Variants in CPNE8 observed in about 807,000 individuals in gnomAD.
The protein encoded by CPNE8 is copine 8.
Under a neutral mutation model 81.5 loss-of-function variants are expected in CPNE8, and 45 were observed. The observed-to-expected ratio is 0.55, with a 90% CI of 0.44 to 0.71. The LOEUF is 0.71. CPNE8 is among the 30% of genes least tolerant of loss of function. CPNE8 has a pLI of 0.00. For missense variants in CPNE8, 594 were observed against 672.1 expected, an observed-to-expected ratio of 0.88 and a Z score of 1.28; for synonymous variants, 252 against 226.3, an observed-to-expected ratio of 1.11 and a Z score of -1.02.
chr12:38,718,275 G>A (rs886709619), intron 13 of CPNE8, among the ~76,000 whole-genome samples: 4 of 152,188 alleles, frequency 2.6e-5, no homozygotes, highest in African/African-American at 9.6e-5. Flanking sequence ...GAATATTGCA[G>A]AAGTTTAGCT....
intron 10 of CPNE8, among the ~76,000 whole-genome samples, chr12:38,745,789 G>T (rs947291005): frequency 6.6e-6 from 1 of 152,160 alleles, no homozygotes; most frequent in Admixed American, 6.5e-5. Context: ...AAGCAATTCT[G>T]CCTCAGCCTC....
intron 10 of CPNE8, among the ~76,000 whole-genome samples, chr12:38,737,638 G>C (rs983073812): frequency 6.6e-6 from 1 of 151,890 alleles, no homozygotes; most frequent in Non-Finnish European, 1.5e-5. Flanking sequence ...TGCTACCTTT[G>C]TTTTTTCTCT....
At chr12:38,667,322 C>A (rs1253722520) in intron 19 of CPNE8, among the ~76,000 whole-genome samples, 2 of 152,156 alleles carry the variant, frequency 1.3e-5, no homozygotes, top group East Asian at 3.8e-4. Context: ...ACACTTGCAA[C>A]CCCACTATTC....
chr12:38,817,642 G>C (rs1486202808), intron 6 of CPNE8, among the ~76,000 whole-genome samples: 1 of 73,314 alleles, frequency 1.4e-5, no homozygotes, highest in Non-Finnish European at 2.7e-5. Context: ...TTTTTTGTGA[G>C]AGACAAAGTC....
At chr12:38,764,451 AC>A (rs1160472704) in intron 8 of CPNE8, among the ~76,000 whole-genome samples, 3 of 150,940 alleles carry the variant, frequency 2.0e-5, no homozygotes, top group Non-Finnish European at 4.4e-5. Context: ...CCCCGTCTCT[AC>A]TAAAAATACA....
At chr12:38,704,864 T>TATATATATATATA (rs1940064957) in intron 13 of CPNE8, among the ~76,000 whole-genome samples, 8 of 73,832 alleles carry the variant, frequency 1.1e-4, no homozygotes, top group African/African-American at 3.8e-4. Flanking sequence ...ATATATATAT[T>TATATATATATATA]TAAATTTCGG....
rs1941589128 is a variant in CPNE8, at chr12:38,762,258, T to C, written c.576-42A>G. ...TTCAGTTATTTGCATGCTTTGACTA[T>C]TTTAATTGATCTATTGTTTTAGTAG... On this transcript the variant is annotated intron_variant, in intron 8 of 19. Coordinates refer to ENST00000331366, the MANE Select transcript of CPNE8 (RefSeq NM_153634.3). 3 of 1,168,986 alleles carry C rather than the reference T, an allele frequency of 2.6e-6. No homozygotes were observed. The African/African-American group carries it at 4.6e-5, about 18-fold the overall frequency. 72.4% of individuals were successfully genotyped at this position (1,168,986 alleles called of 1,614,324 possible). A position where few individuals can be genotyped will look rare whatever the true frequency, so the allele number is the denominator to read the frequency against.
intron 6 of CPNE8, among the ~76,000 whole-genome samples, chr12:38,786,718 AGACAAAAAC>A (rs1042261935): frequency 6.6e-6 from 1 of 152,210 alleles, no homozygotes; most frequent in Non-Finnish European, 1.5e-5. Context: ...ATAGGTTTCA[AGACAAAAAC>A]TATCAAAAGA....
chr12:38,826,557 G>A (rs185582809), intron 6 of CPNE8, among the ~76,000 whole-genome samples: 1 of 152,170 alleles, frequency 6.6e-6, no homozygotes, highest in Non-Finnish European at 1.5e-5. Flanking sequence ...CCCAACATCT[G>A]CATATTCTAC....
chr12:38,839,992 C>T, intron 4 of CPNE8, 37 bp from the exon 5 acceptor site: 1 of 1,525,734 alleles, frequency 6.6e-7, no homozygotes, highest in Non-Finnish European at 8.9e-7. Context: ...ATTATTTCCA[C>T]AAAATACAGC....
intron 6 of CPNE8, among the ~76,000 whole-genome samples, chr12:38,803,750 C>A (rs1282959301): frequency 3.5e-5 from 5 of 143,822 alleles, no homozygotes; most frequent in African/African-American, 1.3e-4. Flanking sequence ...GATTGTTTAT[C>A]TAGAAAACCC....
intron 6 of CPNE8, among the ~76,000 whole-genome samples, chr12:38,792,235 A>G (rs1942342869): frequency 6.6e-6 from 1 of 151,434 alleles, no homozygotes; most frequent in Non-Finnish European, 1.5e-5. Context: ...AATAAAATTT[A>G]GAGCACACAT....
intron 1 of CPNE8, among the ~76,000 whole-genome samples, chr12:38,877,540 T>C (rs1364563331): frequency 1.3e-5 from 2 of 152,084 alleles, no homozygotes; most frequent in Non-Finnish European, 2.9e-5. Context: ...CAAATCTAGA[T>C]GTAGCTAATA....
At chr12:38,797,909 C>G (rs11169568) in intron 6 of CPNE8, among the ~76,000 whole-genome samples, 66 of 152,126 alleles carry the variant, frequency 4.3e-4, no homozygotes, top group African/African-American at 1.4e-3. Flanking sequence ...AATGCAGAAG[C>G]CTCAGGAGCT....
chr12:38,764,071 A>C (rs900238661), intron 8 of CPNE8, among the ~76,000 whole-genome samples: 2 of 152,216 alleles, frequency 1.3e-5, no homozygotes, highest in Non-Finnish European at 2.9e-5. Flanking sequence ...AACTCGTGTC[A>C]TTAAATTGAC....
At chr12:38,767,601 C>T (rs1301771512) in intron 8 of CPNE8, 34 bp downstream of exon 8, 3 of 1,218,160 alleles carry the variant, frequency 2.5e-6, no homozygotes, top group Non-Finnish European at 3.4e-6. Flanking sequence ...ATCATCATTA[C>T]CATATAGTTG....
intron 8 of CPNE8, among the ~76,000 whole-genome samples, 174 bp from the exon 9 acceptor site, chr12:38,762,390 C>T (rs1941591691): frequency 6.6e-6 from 1 of 152,154 alleles, no homozygotes; most frequent in African/African-American, 2.4e-5. Context: ...ATCACCTCAC[C>T]ATAACCTACT....
chr12:38,785,805 T>G (rs1372635458), intron 6 of CPNE8, among the ~76,000 whole-genome samples: 1 of 152,066 alleles, frequency 6.6e-6, no homozygotes, highest in Non-Finnish European at 1.5e-5. Flanking sequence ...TTTTGCTTAC[T>G]TCCTTGTTTA....
At chr12:38,877,429 T>G (rs961800872) in intron 1 of CPNE8, among the ~76,000 whole-genome samples, 1 of 152,090 alleles carries the variant, frequency 6.6e-6, no homozygotes, top group South Asian at 2.1e-4. Flanking sequence ...ACTTGTCATC[T>G]GCTTGAGCTA....
Sources: gnomAD v4.1 joint callset for allele counts (sites outside exome capture counted in the v4.1 genomes callset) on GRCh38, gnomAD v4.1.1 for gene constraint, MANE v1.5 for transcripts, NCBI Gene and HGNC (gene_info 2026-07-23, HGNC 2026-07-21) for gene names.